Variants in STX12 observed in about 807,000 individuals in gnomAD.
The protein encoded by STX12 is syntaxin 12.
STX12 carries 17 observed loss-of-function variants against 42.2 expected under a neutral mutation model. That is an observed-to-expected ratio of 0.40 (90% CI 0.28 to 0.60). STX12 has a LOEUF of 0.60. STX12 is among the 20% of genes least tolerant of loss of function. The pLI is 0.39. For synonymous variants in STX12, 108 were observed against 116.7 expected (o/e 0.93, Z 0.48); for missense variants, 297 against 330.9 (o/e 0.90, Z 0.79).
At chr1:27,821,973 G>A (rs2088987561) in intron 8 of STX12, among the ~76,000 whole-genome samples, 1 of 151,866 alleles carries the variant, frequency 6.6e-6, no homozygotes, top group South Asian at 2.1e-4. Context: ...AGCCAAGATC[G>A]CACCACGGCA....
intron 1 of STX12, among the ~76,000 whole-genome samples, chr1:27,775,732 G>T (rs1023940071): frequency 2.6e-5 from 4 of 152,182 alleles, no homozygotes; most frequent in Admixed American, 2.6e-4. Flanking sequence ...GAGAGAGATT[G>T]TTTTTAATTG....
At chr1:27,779,458 C>T (rs1440362677) in intron 1 of STX12, among the ~76,000 whole-genome samples, 5 of 152,018 alleles carry the variant, frequency 3.3e-5, no homozygotes, top group East Asian at 3.9e-4. Context: ...CTCAGCCTCC[C>T]GAGTTGCTGG....
chr1:27,798,819 TG>T (rs2088806204), intron 3 of STX12, among the ~76,000 whole-genome samples: 2 of 144,108 alleles, frequency 1.4e-5, no homozygotes, highest in South Asian at 4.4e-4. Flanking sequence ...CCAGGCATCG[TG>T]GTACACATCT....
chr1:27,773,548 G>C (rs1030620918), intron 1 of STX12, 123 bp downstream of exon 1: 11 of 852,470 alleles, frequency 1.3e-5, no homozygotes, highest in Admixed American at 1.1e-4. Context: ...GTCTCGGGCT[G>C]TCCACCCTGG....
At chr1:27,781,038 CATT>C in intron 1 of STX12, among the ~76,000 whole-genome samples, 1 of 151,946 alleles carries the variant, frequency 6.6e-6, no homozygotes, top group Middle Eastern at 3.4e-3. Flanking sequence ...TAAATGGTGA[CATT>C]ATTATTATTT....
intron 4 of STX12, among the ~76,000 whole-genome samples, chr1:27,803,870 G>A (rs1362262525): frequency 2.0e-5 from 3 of 151,924 alleles, no homozygotes; most frequent in East Asian, 1.9e-4. Flanking sequence ...GCGTGGTAGC[G>A]CGTGCCTGTA....
intron 2 of STX12, 72 bp from the exon 3 acceptor site, chr1:27,793,461 A>T: frequency 7.7e-7 from 1 of 1,294,652 alleles, no homozygotes; most frequent in Non-Finnish European, 1.1e-6. Flanking sequence ...AGACACTCTG[A>T]GAACAAAGTG....
At chr1:27,792,116 T>C (rs2088746623) in intron 2 of STX12, among the ~76,000 whole-genome samples, 1 of 137,340 alleles carries the variant, frequency 7.3e-6, no homozygotes, top group African/African-American at 2.8e-5. Context: ...TATATAAATA[T>C]ATAATATATA....
chr1:27,810,953 CATA>C (rs1482018547), intron 5 of STX12, among the ~76,000 whole-genome samples: 1 of 151,822 alleles, frequency 6.6e-6, no homozygotes, highest in African/African-American at 2.4e-5. Flanking sequence ...TGGGAAAACA[CATA>C]ATAATGGAAA....
In STX12 at chr1:27,822,244, A is replaced by G. The variant is rs1352310835; in HGVS notation, c.746A>G (p.Lys249Arg). ...RAAYYQKKSR[K>R]KMCILVLVLS... ...TTCTTTCCTCAGAAAAAATCTCGCA[A>G]GAAGATGTGTATCCTGGTGCTTGTC... The change falls in exon 9 of 9, where the codon AAG becomes AGG. Residue 249 changes from lysine (K) to arginine (R), a missense_variant. Lys to Arg is a conservative substitution (Grantham distance 26, BLOSUM62 2). Transcript: ENST00000373943. 1 of 1,611,292 alleles carries G rather than the reference A, an allele frequency of 6.2e-7. No individual in the cohort carries two copies. The highest frequency in any genetic ancestry group is 8.5e-7 in the Non-Finnish European group (1 of 1,177,576).
At chr1:27,800,488 GGTGTGTGTGTGTGTGTGTGT>G (rs57488710) in intron 3 of STX12, among the ~76,000 whole-genome samples, 16 of 140,886 alleles carry the variant, frequency 1.1e-4, no homozygotes, top group African/African-American at 3.5e-4. Context: ...GTCAGTATGT[GGTGTGTGTGTGTGTGTGTGT>G]GTGTGTGTGT....
Position 27,793,641 on chromosome 1 carries a change from T to C in STX12, c.288+9T>C, listed in dbSNP as rs2088764332. On this transcript the variant is annotated intron_variant, in intron 3 of 8. Transcript: ENST00000373943. ...TATCTACTTCAGAACAGGTTGGTAT[T>C]TTCTGTTTTGTTTATTAATAGGAAA... 6.2e-7 allele frequency: 1 copy of C among 1,610,204 alleles called. No individual in the cohort carries two copies. The highest frequency in any genetic ancestry group is 8.5e-7 in the Non-Finnish European group (1 of 1,176,788).
chr1:27,784,455 A>G (rs1481045655), intron 1 of STX12, among the ~76,000 whole-genome samples: 1 of 152,124 alleles, frequency 6.6e-6, no homozygotes, highest in Non-Finnish European at 1.5e-5. Flanking sequence ...CCTGACCTCA[A>G]GTGATCTGCC....
chr1:27,787,602 TG>T (rs2088708287), intron 1 of STX12, among the ~76,000 whole-genome samples: 1 of 151,418 alleles, frequency 6.6e-6, no homozygotes, highest in Non-Finnish European at 1.5e-5. Context: ...GAGGTTGCAG[TG>T]AGCCGAGATC....
intron 4 of STX12, among the ~76,000 whole-genome samples, chr1:27,804,666 C>T (rs2088849099): frequency 6.6e-6 from 1 of 151,828 alleles, no homozygotes; most frequent in Non-Finnish European, 1.5e-5. Context: ...AAAAAATTAG[C>T]CGGGCATGGT....
At chr1:27,818,124 T>C in intron 7 of STX12, 1 of 503,400 alleles carries the variant, frequency 2.0e-6, no homozygotes, top group East Asian at 3.5e-5. Flanking sequence ...GGCTCAGGCC[T>C]GTAATCCCAG....
At chr1:27,787,659 A>C (rs1224539694) in intron 1 of STX12, among the ~76,000 whole-genome samples, 1 of 130,476 alleles carries the variant, frequency 7.7e-6, no homozygotes, top group Non-Finnish European at 1.6e-5. Context: ...ACTCTGTATC[A>C]AAAAAAAAAA....
Position 27,822,234 on chromosome 1 carries a change from A to G in STX12, c.736A>G (p.Lys246Glu), listed in dbSNP as rs1302903973. ...GTTTACATATTTCTTTCCTCAGAAAAAATCTCGCAAGAAGATGTGTATCCT... is the reference window on the plus strand; with the variant it reads ...GTTTACATATTTCTTTCCTCAGAAAGAATCTCGCAAGAAGATGTGTATCCT... ...QLQRAAYYQK[K>E]SRKKMCILVL... The change falls in exon 9 of 9, where the codon AAA becomes GAA. Residue 246 changes from lysine (K) to glutamate (E), a missense_variant. Coordinates refer to ENST00000373943, the MANE Select transcript of STX12 (RefSeq NM_177424.3). The G allele has an allele frequency of 1.9e-6, 3 of 1,606,940 alleles. No individual in the cohort carries two copies. Among genetic ancestry groups the G allele is most frequent in the Non-Finnish European group, 2.6e-6 (3 of 1,173,510 alleles).
At chr1:27,814,912 G>A (rs2148607333) in intron 6 of STX12, among the ~76,000 whole-genome samples, 1 of 150,554 alleles carries the variant, frequency 6.6e-6, no homozygotes, top group Non-Finnish European at 1.5e-5. Context: ...CAACCGTGGA[G>A]TGAAAATATT....
Sources: gnomAD v4.1 joint callset for allele counts (sites outside exome capture counted in the v4.1 genomes callset) on GRCh38, gnomAD v4.1.1 for gene constraint, MANE v1.5 for transcripts, NCBI Gene and HGNC (gene_info 2026-07-23, HGNC 2026-07-21) for gene names.